BFSP2: variants seen among roughly 807,000 people sequenced by gnomAD.
BFSP2 encodes the protein phakinin.
BFSP2 carries 38 observed loss-of-function variants against 44.9 expected under a neutral mutation model. The ratio of observed to expected loss-of-function variants is 0.85; its 90% CI spans 0.65 to 1.11. The LOEUF is 1.11. BFSP2 is among the 50% of genes least tolerant of loss of function. The probability of loss-of-function intolerance (pLI) is 0.00; values close to 1 mark genes in which losing one functional copy is unlikely to be tolerated. For synonymous variants in BFSP2, 197 were observed against 209.9 expected, an observed-to-expected ratio of 0.94 and a Z score of 0.53; for missense variants, 525 against 533.0, an observed-to-expected ratio of 0.99 and a Z score of 0.15.
intron 1 of BFSP2, among the ~76,000 whole-genome samples, chr3:133,433,339 C>T (rs1474810394): frequency 6.6e-6 from 1 of 152,178 alleles, no homozygotes; most frequent in African/African-American, 2.4e-5. Flanking sequence ...AAGCCACTAG[C>T]CTGCCTCTTA....
At chr3:133,411,731 G>A (rs1325617630) in intron 1 of BFSP2, among the ~76,000 whole-genome samples, 1 of 151,902 alleles carries the variant, frequency 6.6e-6, no homozygotes, top group African/African-American at 2.4e-5. Flanking sequence ...CAACTAGACA[G>A]TCATAAGGAA....
At chr3:133,474,652 A>G (rs2074198227) in intron 6 of BFSP2, among the ~76,000 whole-genome samples, 1 of 152,226 alleles carries the variant, frequency 6.6e-6, no homozygotes, top group African/African-American at 2.4e-5. Context: ...TTACTTCTTA[A>G]GAATCTATGT....
intron 1 of BFSP2, among the ~76,000 whole-genome samples, chr3:133,442,608 G>C (rs1482809026): frequency 1.3e-5 from 2 of 152,188 alleles, no homozygotes; most frequent in Admixed American, 1.3e-4. Context: ...TATTATAATG[G>C]GATAGGAGAG....
intron 5 of BFSP2, among the ~76,000 whole-genome samples, chr3:133,471,958 C>T (rs945429354): frequency 5.9e-5 from 9 of 151,994 alleles, no homozygotes; most frequent in Admixed American, 2.6e-4. Context: ...GAAAAAGCCC[C>T]GGAGAACAAG....
At chr3:133,437,289 C>T (rs939016380) in intron 1 of BFSP2, among the ~76,000 whole-genome samples, 6 of 152,078 alleles carry the variant, frequency 3.9e-5, no homozygotes, top group Non-Finnish European at 8.8e-5. Context: ...CTTTGGGAGG[C>T]CAAGGAGGCA....
At chr3:133,444,233 T>C (rs2073874566) in intron 1 of BFSP2, among the ~76,000 whole-genome samples, 1 of 152,098 alleles carries the variant, frequency 6.6e-6, no homozygotes, top group South Asian at 2.1e-4. Flanking sequence ...TCGACATTCA[T>C]TGAACAACTG....
At chr3:133,420,485 C>T (rs538167528) in intron 1 of BFSP2, among the ~76,000 whole-genome samples, 20 of 152,300 alleles carry the variant, frequency 1.3e-4, no homozygotes, top group African/African-American at 3.4e-4. Flanking sequence ...CACCGCGTGC[C>T]CTTGTCTCCA....
chr3:133,403,702 T>C (rs2073380637), intron 1 of BFSP2, among the ~76,000 whole-genome samples: 1 of 152,008 alleles, frequency 6.6e-6, no homozygotes, highest in Admixed American at 6.6e-5. Context: ...GGAGAAGAGT[T>C]GGAAAGGAGA....
At chr3:133,426,727 T>C (rs56841612) in intron 1 of BFSP2, among the ~76,000 whole-genome samples, 8,700 of 152,298 alleles carry the variant, frequency 0.057, 664 homozygotes, top group African/African-American at 0.18. Context: ...TAGAAGCACA[T>C]GGCAGAGAAT....
At chr3:133,402,565 T>C (rs2073370599) in intron 1 of BFSP2, among the ~76,000 whole-genome samples, 1 of 152,166 alleles carries the variant, frequency 6.6e-6, no homozygotes, top group African/African-American at 2.4e-5. Flanking sequence ...ATGAATAAAG[T>C]TCTCTTTTTC....
intron 1 of BFSP2, among the ~76,000 whole-genome samples, chr3:133,430,415 C>G (rs1184660466): frequency 6.6e-6 from 1 of 151,728 alleles, no homozygotes; most frequent in Non-Finnish European, 1.5e-5. Flanking sequence ...TCTCCAGCAC[C>G]TGTTGTTTCC....
intron 1 of BFSP2, among the ~76,000 whole-genome samples, chr3:133,408,035 A>G (rs1298948040): frequency 6.6e-6 from 1 of 152,212 alleles, no homozygotes; most frequent in African/African-American, 2.4e-5. Context: ...ATTAAGAAAA[A>G]TTTTAAAATG....
At chr3:133,468,819 A>G (rs1406864956) in intron 5 of BFSP2, among the ~76,000 whole-genome samples, 1 of 152,232 alleles carries the variant, frequency 6.6e-6, no homozygotes, top group Non-Finnish European at 1.5e-5. Context: ...GCGATTGTGG[A>G]GTGGAGATAA....
At chr3:133,443,528 T>C (rs1410059294) in intron 1 of BFSP2, among the ~76,000 whole-genome samples, 1 of 152,154 alleles carries the variant, frequency 6.6e-6, no homozygotes, top group East Asian at 1.9e-4. Flanking sequence ...AGTACATCTG[T>C]GACAAATGCA....
chr3:133,414,426 C>T (rs2073488190), intron 1 of BFSP2, among the ~76,000 whole-genome samples: 1 of 97,994 alleles, frequency 1.0e-5, no homozygotes, highest in Non-Finnish European at 2.1e-5. Flanking sequence ...TCTACTTACC[C>T]CTATACTCAC....
intron 1 of BFSP2, among the ~76,000 whole-genome samples, chr3:133,418,214 C>T (rs1323383803): frequency 1.3e-5 from 2 of 152,122 alleles, no homozygotes; most frequent in Non-Finnish European, 2.9e-5. Flanking sequence ...GCCCAGAGTA[C>T]TTCCAGGTAC....
intron 1 of BFSP2, among the ~76,000 whole-genome samples, chr3:133,446,570 TTATATATATA>T (rs1168844039): frequency 4.5e-5 from 1 of 22,378 alleles, no homozygotes; most frequent in Non-Finnish European, 1.5e-4. Context: ...AGCTCACCAT[TTATATATATA>T]TATATATATA....
chr3:133,403,259 TG>T (rs1283697340), intron 1 of BFSP2, among the ~76,000 whole-genome samples: 1 of 152,130 alleles, frequency 6.6e-6, no homozygotes, highest in African/African-American at 2.4e-5. Context: ...CCACTCTGGC[TG>T]GGGCTTCATG....
intron 1 of BFSP2, among the ~76,000 whole-genome samples, chr3:133,413,640 T>C (rs1415191603): frequency 6.6e-6 from 1 of 151,970 alleles, no homozygotes; most frequent in Non-Finnish European, 1.5e-5. Flanking sequence ...GAAAAGCACA[T>C]AAAGACTCAT....
Sources: allele counts gnomAD v4.1 joint callset (sites outside exome capture counted in the v4.1 genomes callset), GRCh38; gene constraint gnomAD v4.1.1; transcripts MANE v1.5; gene names NCBI Gene and HGNC (gene_info 2026-07-23, HGNC 2026-07-21).